LYRM4: variants seen among roughly 807,000 people sequenced by gnomAD.
LYRM4 encodes the protein LYR motif containing 4, also known as LYR motif-containing protein 4.
LYRM4 carries 9 observed loss-of-function variants against 11.7 expected under a neutral mutation model. The observed-to-expected ratio is 0.77, with a 90% confidence interval of 0.46 to 1.34. The LOEUF (loss-of-function observed/expected upper bound fraction) is 1.34. Among genes scored for constraint, LYRM4 ranks in the 40% most tolerant of loss-of-function variants. LYRM4 has a pLI of 0.00. For missense variants in LYRM4, 133 were observed against 112.5 expected (o/e 1.18, Z -0.82); for synonymous variants, 42 against 40.4 (o/e 1.04, Z -0.15).
intron 2 of LYRM4, among the ~76,000 whole-genome samples, chr6:5,171,483 A>G (rs191144175): frequency 6.6e-6 from 1 of 152,206 alleles, no homozygotes; most frequent in Non-Finnish European, 1.5e-5. Flanking sequence ...ATCAAACAAA[A>G]ATAAATGATT....
chr6:5,094,861 G>C, the LYRM4 span, among the ~76,000 whole-genome samples: 1 of 152,180 alleles, frequency 6.6e-6, no homozygotes, highest in African/African-American at 2.4e-5. Flanking sequence ...ATGAAGAGGA[G>C]TTGGTTAATG....
In LYRM4 at chr6:5,229,003, C is replaced by CAAAAAAAAA. The variant is rs70974180; in HGVS notation, c.87-12274_87-12266dup. ...TGGGCGACGGAGCGAGGCTCAGTCT[C>CAAAAAAAAA]AAAAAAAAAAAAAAAAAAAAAAAGA... On this transcript the variant is annotated intron_variant, in intron 1 of 2. Transcript: ENST00000330636. Among the ~76,000 whole-genome samples, 38 of 37,978 alleles carry CAAAAAAAAA rather than the reference C, an allele frequency of 1.0e-3. 1 individual carries two copies. The highest frequency in any genetic ancestry group is 3.9e-3 in the African/African-American group (35 of 8,870). 24.9% of individuals were successfully genotyped at this position (37,978 alleles called of 152,430 possible).
chr6:5,043,259 A>G, the LYRM4 span: 3 of 152,110 alleles, frequency 2.0e-5, no homozygotes, highest in Non-Finnish European at 4.4e-5. Flanking sequence ...AGATATATAT[A>G]TATTTCTCAT....
intron 2 of LYRM4, chr6:5,136,755 G>C: frequency 1.0e-6 from 1 of 985,448 alleles, no homozygotes; most frequent in Non-Finnish European, 1.2e-6. Context: ...TAGGAAGACT[G>C]GGTAGACTTC....
At chr6:5,194,535 G>A (rs889470685) in intron 2 of LYRM4, among the ~76,000 whole-genome samples, 1 of 152,164 alleles carries the variant, frequency 6.6e-6, no homozygotes. Context: ...TGGGACATAA[G>A]ACCTACCTCA....
chr6:5,224,309 A>G (rs899124292), intron 1 of LYRM4, among the ~76,000 whole-genome samples: 1 of 152,238 alleles, frequency 6.6e-6, no homozygotes, highest in African/African-American at 2.4e-5. Context: ...AGATGTGTGA[A>G]TGTTCAGCCT....
chr6:5,255,137 A>T (rs1764607082), intron 1 of LYRM4, among the ~76,000 whole-genome samples: 1 of 152,024 alleles, frequency 6.6e-6, no homozygotes, highest in Non-Finnish European at 1.5e-5. Flanking sequence ...TCTTTACTTG[A>T]TCTCCTCCCA....
At chr6:5,245,113 A>AAAAT (rs70974183) in intron 1 of LYRM4, among the ~76,000 whole-genome samples, 3 of 24,134 alleles carry the variant, frequency 1.2e-4, no homozygotes, top group Non-Finnish European at 1.3e-4. Context: ...AAAAAAAAAA[A>AAAAT]ATATATATAT....
downstream of LYRM4, among the ~76,000 whole-genome samples, chr6:5,099,003 A>G (rs1257552891): frequency 1.3e-5 from 2 of 152,008 alleles, no homozygotes; most frequent in Non-Finnish European, 2.9e-5. This position sits in a 1 kb window ranked among gnomAD's most constrained non-coding sequence, Gnocchi z 4.3. Context: ...GCTCACAGTG[A>G]CCCGCTTGGT....
At chr6:5,052,597 C>T in the LYRM4 span, among the ~76,000 whole-genome samples, 2 of 151,968 alleles carry the variant, frequency 1.3e-5, no homozygotes, top group Non-Finnish European at 2.9e-5. Context: ...CATGTCTGGC[C>T]CAGTGTATAA....
At chr6:5,069,969 G>A in the LYRM4 span, among the ~76,000 whole-genome samples, 4 of 152,338 alleles carry the variant, frequency 2.6e-5, no homozygotes, top group East Asian at 7.7e-4. Flanking sequence ...GCACCATGCT[G>A]ACACGTAATC....
At chr6:5,197,771 T>G (rs182781757) in intron 2 of LYRM4, among the ~76,000 whole-genome samples, 1 of 152,180 alleles carries the variant, frequency 6.6e-6, no homozygotes, top group Non-Finnish European at 1.5e-5. Flanking sequence ...TTATTTCAAA[T>G]AGATAACCTA....
intron 2 of LYRM4, among the ~76,000 whole-genome samples, chr6:5,206,238 T>G (rs1372161165): frequency 1.3e-5 from 2 of 152,210 alleles, no homozygotes; most frequent in African/African-American, 4.8e-5. Flanking sequence ...GAAAGGGACC[T>G]TAGAGATACA....
chr6:5,114,135 T>G (rs1763014573), intron 2 of LYRM4, among the ~76,000 whole-genome samples: 2 of 152,164 alleles, frequency 1.3e-5, no homozygotes, highest in Non-Finnish European at 2.9e-5. Context: ...GGCACTCAAG[T>G]GCCTGCCCGC....
At chr6:5,113,336 A>T (rs1245710102) in intron 2 of LYRM4, 3 of 450,078 alleles carry the variant, frequency 6.7e-6, no homozygotes, top group Non-Finnish European at 1.3e-5. Flanking sequence ...GAGGCAGAAG[A>T]ATGGTTTGAA....
intron 2 of LYRM4, among the ~76,000 whole-genome samples, chr6:5,160,277 G>A (rs1041247199): frequency 6.6e-5 from 10 of 152,026 alleles, no homozygotes; most frequent in East Asian, 1.9e-4. Context: ...CTAGCCTCTC[G>A]GACCCTCCAC....
At chr6:5,220,546 C>T (rs1170517716) in intron 1 of LYRM4, among the ~76,000 whole-genome samples, 1 of 152,212 alleles carries the variant, frequency 6.6e-6, no homozygotes, top group Non-Finnish European at 1.5e-5. Context: ...TGGAAGGACA[C>T]ATCCTCCACC....
chr6:5,239,092 G>C (rs908818342), intron 1 of LYRM4, among the ~76,000 whole-genome samples: 1 of 152,250 alleles, frequency 6.6e-6, no homozygotes, highest in Admixed American at 6.5e-5. Context: ...GCAAAGAACA[G>C]GAGGTAGATA....
rs139707420 is a variant in LYRM4, at chr6:5,140,247, C to T, written c.208-30756G>A. On this transcript the variant is annotated intron_variant, in intron 2 of 2. Coordinates refer to ENST00000330636, the MANE Select transcript of LYRM4 (RefSeq NM_020408.6). ...TGTCTCAAAAGAAAAAAAAACCTTT[C>T]ACCACGTGACTGTGCTGGAACCTCT... Among the ~76,000 whole-genome samples the T allele has an allele frequency of 5.2e-3, 793 of 151,978 alleles. 8 individuals are homozygous for T. The highest frequency in any genetic ancestry group is 0.018 in the African/African-American group (757 of 41,480).
Sources: allele counts gnomAD v4.1 joint callset (sites outside exome capture counted in the v4.1 genomes callset), GRCh38; gene constraint gnomAD v4.1.1; non-coding constraint Gnocchi (gnomAD v3.1); transcripts MANE v1.5; gene names NCBI Gene and HGNC (gene_info 2026-07-23, HGNC 2026-07-21).